The following GRM7 variants were observed in gnomAD, a reference collection of about 807,000 sequenced individuals.
GRM7 encodes metabotropic glutamate receptor 7.
A neutral mutation model predicts 84.5 loss-of-function variants in GRM7; 35 were observed. The observed-to-expected ratio is 0.41, with a 90% CI of 0.32 to 0.55. The LOEUF is 0.55. Ranked by LOEUF, GRM7 falls within the 20% of genes least tolerant of loss-of-function variation. The probability of loss-of-function intolerance (pLI) is 0.19; values close to 1 mark genes in which losing one functional copy is unlikely to be tolerated. For synonymous variants in GRM7, 487 were observed against 455.1 expected, an observed-to-expected ratio of 1.07 and a Z score of -0.89; for missense variants, 1,003 against 1,194.6, an observed-to-expected ratio of 0.84 and a Z score of 2.36.
intron 9 of GRM7, among the ~76,000 whole-genome samples, chr3:7,738,365 T>G (rs960984095): frequency 2.0e-5 from 3 of 152,128 alleles, no homozygotes; most frequent in Non-Finnish European, 4.4e-5. Flanking sequence ...CCCTCCTATG[T>G]AAAATGGAGA....
At chr3:7,209,070 AG>A (rs1696335898) in intron 2 of GRM7, among the ~76,000 whole-genome samples, 2 of 152,236 alleles carry the variant, frequency 1.3e-5, no homozygotes, top group Admixed American at 1.3e-4. Flanking sequence ...AACACATGTT[AG>A]TACACTTACA....
intron 7 of GRM7, among the ~76,000 whole-genome samples, chr3:7,476,408 A>G (rs1272760118): frequency 6.6e-6 from 1 of 152,076 alleles, no homozygotes; most frequent in African/African-American, 2.4e-5. Context: ...TTAGCTGGGC[A>G]TGGTGGCAAG....
chr3:7,259,517 C>A (rs1575091923), intron 2 of GRM7, among the ~76,000 whole-genome samples: 1 of 152,144 alleles, frequency 6.6e-6, no homozygotes, highest in Admixed American at 6.5e-5. Flanking sequence ...TTAGCCCCCA[C>A]TTATAAGTGA....
Position 7,356,371 on chromosome 3 carries a change from G to A in GRM7, c.1033+49719G>A, listed in dbSNP as rs184316694. Among the ~76,000 whole-genome samples the A allele has an allele frequency of 4.0e-3, 601 of 150,458 alleles. 5 individuals are homozygous for A. The highest frequency in any genetic ancestry group is 6.8e-3 in the Non-Finnish European group (462 of 67,542). ...GGCTGGTGTATAGTGGTGTGATCTC[G>A]GCTCGCTGCAGCCTCTACCTCCCAA... On this transcript the variant is annotated intron_variant, in intron 4 of 9. Coordinates refer to ENST00000357716, the MANE Select transcript of GRM7 (RefSeq NM_000844.4).
chr3:7,060,387 G>A (rs1028374480), intron 1 of GRM7, among the ~76,000 whole-genome samples: 1 of 151,762 alleles, frequency 6.6e-6, no homozygotes, highest in Non-Finnish European at 1.5e-5. Context: ...CACTGACTGA[G>A]TAGGGGCAGA....
chr3:7,584,775 C>T (rs1695430677), intron 8 of GRM7, among the ~76,000 whole-genome samples: 3 of 152,032 alleles, frequency 2.0e-5, no homozygotes, highest in Non-Finnish European at 4.4e-5. Flanking sequence ...AGAAAATATG[C>T]GAGTAGAGTA....
chr3:7,696,279 A>T (rs892849817), intron 9 of GRM7, among the ~76,000 whole-genome samples: 7 of 152,196 alleles, frequency 4.6e-5, no homozygotes, highest in African/African-American at 1.7e-4. Context: ...TTTGCCAGAA[A>T]TGATGTTCTC....
intron 1 of GRM7, among the ~76,000 whole-genome samples, chr3:6,984,202 C>T (rs963990360): frequency 7.9e-5 from 12 of 152,014 alleles, no homozygotes; most frequent in African/African-American, 2.7e-4. Flanking sequence ...TCTTGGAGGC[C>T]GTAGAAACTT....
chr3:7,725,583 A>G (rs180762915), intron 9 of GRM7, among the ~76,000 whole-genome samples: 432 of 152,298 alleles, frequency 2.8e-3, no homozygotes, highest in Non-Finnish European at 5.2e-3. Context: ...GACCCAGGGC[A>G]TGGTGTTTAC....
intron 1 of GRM7, among the ~76,000 whole-genome samples, chr3:7,035,073 T>A (rs372313296): frequency 1.2e-4 from 19 of 152,232 alleles, no homozygotes; most frequent in African/African-American, 4.6e-4. Context: ...GAGGTATACA[T>A]CTTTGCACTG....
At chr3:6,913,757 A>G (rs1696852027) in intron 1 of GRM7, among the ~76,000 whole-genome samples, 1 of 152,160 alleles carries the variant, frequency 6.6e-6, no homozygotes, top group Non-Finnish European at 1.5e-5. Context: ...GTTGTTTGCA[A>G]CCACTCAGTT....
intron 1 of GRM7, among the ~76,000 whole-genome samples, chr3:7,033,749 T>C (rs529263884): frequency 6.6e-6 from 1 of 152,194 alleles, no homozygotes; most frequent in South Asian, 2.1e-4. Flanking sequence ...ATGTCTTGAG[T>C]TTAGCATTCA....
intron 9 of GRM7, among the ~76,000 whole-genome samples, chr3:7,692,063 A>T (rs930990059): frequency 6.6e-6 from 1 of 152,164 alleles, no homozygotes; most frequent in African/African-American, 2.4e-5. Context: ...AGGATTGCCA[A>T]TAAAGTCAGG....
chr3:7,108,156 G>C (rs1183642227), intron 1 of GRM7, among the ~76,000 whole-genome samples: 3 of 152,054 alleles, frequency 2.0e-5, no homozygotes, highest in African/African-American at 7.2e-5. Context: ...TCATAAGTAA[G>C]TGCTGCACGA....
chr3:7,415,308 A>G (rs1696116253), intron 5 of GRM7, 145 bp downstream of exon 5: 1 of 674,762 alleles, frequency 1.5e-6, no homozygotes, highest in East Asian at 2.7e-5. Flanking sequence ...ATGGAACAGG[A>G]GCATACGTCT....
At chr3:7,149,797 C>T (rs1694226270) in intron 2 of GRM7, among the ~76,000 whole-genome samples, 1 of 152,130 alleles carries the variant, frequency 6.6e-6, no homozygotes, top group South Asian at 2.1e-4. Context: ...TAAGATGGTG[C>T]ATGGGGAAGC....
rs189436274 is a variant in GRM7 at position 7,623,543 on chromosome 3, C to T, written c.2451+44186C>T. Among the ~76,000 whole-genome samples, 279 of 152,244 alleles carry T rather than the reference C, an allele frequency of 1.8e-3. 2 individuals are homozygous for T. Among genetic ancestry groups the T allele is most frequent in the African/African-American group, 6.4e-3 (265 of 41,538 alleles). On this transcript the variant is annotated intron_variant, in intron 8 of 9. Transcript: ENST00000357716. Reference sequence around the variant, plus strand: ...CAAATTCACATTTACTGAATGCACACAAAGAAGCAATGAAGTTTGACACTG... The same window carrying T: ...CAAATTCACATTTACTGAATGCACATAAAGAAGCAATGAAGTTTGACACTG...
chr3:7,175,033 C>T (rs1056156456), intron 2 of GRM7, among the ~76,000 whole-genome samples: 3 of 152,232 alleles, frequency 2.0e-5, no homozygotes, highest in African/African-American at 7.2e-5. Context: ...GATTAAGGAG[C>T]GAGATCAGGC....
chr3:7,166,648 G>A (rs998707177), intron 2 of GRM7, among the ~76,000 whole-genome samples: 2 of 152,120 alleles, frequency 1.3e-5, no homozygotes. Context: ...TAACCACTAG[G>A]CCATGTACAC....
Sources: gnomAD v4.1 joint callset for allele counts (sites outside exome capture counted in the v4.1 genomes callset) on GRCh38, gnomAD v4.1.1 for gene constraint, MANE v1.5 for transcripts, NCBI Gene and HGNC (gene_info 2026-07-23, HGNC 2026-07-21) for gene names.